ARHGAP44: variants seen among roughly 807,000 people sequenced by gnomAD.
The protein encoded by ARHGAP44 is rho GTPase-activating protein 44.
Under a neutral mutation model 106.8 loss-of-function variants are expected in ARHGAP44, and 43 were observed. The observed-to-expected ratio is 0.40, with a 90% CI of 0.32 to 0.52. ARHGAP44 has a LOEUF of 0.52. ARHGAP44 is among the 20% of genes least tolerant of loss of function. The probability of loss-of-function intolerance (pLI) is 0.48; values close to 1 mark genes in which losing one functional copy is unlikely to be tolerated. For missense variants in ARHGAP44, 866 were observed against 1,050.5 expected (o/e 0.82, Z 2.43); for synonymous variants, 439 against 410.3 (o/e 1.07, Z -0.85).
At chr17:12,848,541 G>T (rs1044530496) in intron 1 of ARHGAP44, among the ~76,000 whole-genome samples, 1 of 151,392 alleles carries the variant, frequency 6.6e-6, no homozygotes, top group East Asian at 2.0e-4. Flanking sequence ...GCCAAAACCC[G>T]TGATTTTTTT....
chr17:12,815,647 C>T (rs564031229), intron 1 of ARHGAP44, among the ~76,000 whole-genome samples: 2 of 152,254 alleles, frequency 1.3e-5, no homozygotes, highest in Admixed American at 1.3e-4. Context: ...AGACTAGAAC[C>T]TAGTGGAATC....
At chr17:12,914,667 C>G (rs1464217567) in intron 4 of ARHGAP44, among the ~76,000 whole-genome samples, 1 of 151,808 alleles carries the variant, frequency 6.6e-6, no homozygotes, top group Non-Finnish European at 1.5e-5. Context: ...GTGGTGGCAG[C>G]CTCCTGTAAT....
At position 12,949,134 on chromosome 17, in the gene ARHGAP44, T is replaced by C; in HGVS notation, c.862-6T>C. On this transcript the variant is annotated splice_region_variant and splice_polypyrimidine_tract_variant and intron_variant, in intron 10 of 20. Coordinates refer to ENST00000379672, the MANE Select transcript of ARHGAP44 (RefSeq NM_014859.6). This position sits in a 1 kb window ranked among gnomAD's most constrained non-coding sequence, Gnocchi z 4.1. ...GCTGTGCGCTGACCCTCTGTCCTGT[T>C]GGTAGGGACTCTTCCGAGTAGCCCC... 1 of 1,562,050 alleles carries C rather than the reference T, an allele frequency of 6.4e-7. No individual in the cohort carries two copies. Among genetic ancestry groups the C allele is most frequent in the Non-Finnish European group, 8.7e-7 (1 of 1,153,240 alleles).
chr17:12,977,808 G>T (rs543400014), intron 18 of ARHGAP44, among the ~76,000 whole-genome samples: 4 of 152,072 alleles, frequency 2.6e-5, no homozygotes, highest in Non-Finnish European at 5.9e-5. Context: ...GGGTGGCCGA[G>T]GGGGGTGGAT....
intron 1 of ARHGAP44, among the ~76,000 whole-genome samples, chr17:12,809,234 C>G (rs1260534114): frequency 6.6e-6 from 1 of 152,188 alleles, no homozygotes; most frequent in Admixed American, 6.5e-5. Flanking sequence ...CAGACTGTTC[C>G]AGTTCTGCCT....
intron 20 of ARHGAP44, chr17:12,987,150 A>T: frequency 6.5e-7 from 1 of 1,532,528 alleles, no homozygotes; most frequent in Non-Finnish European, 8.7e-7. Context: ...GGGGATTTTC[A>T]GGGTAAGCTG....
intron 10 of ARHGAP44, among the ~76,000 whole-genome samples, chr17:12,947,565 A>G (rs1030382942): frequency 2.0e-5 from 3 of 152,144 alleles, no homozygotes; most frequent in Middle Eastern, 6.3e-3. Context: ...TTCCATGCAC[A>G]CTTTCCTCTA....
chr17:12,832,190 G>A (rs1459821590), intron 1 of ARHGAP44, among the ~76,000 whole-genome samples: 2 of 152,176 alleles, frequency 1.3e-5, no homozygotes, highest in Non-Finnish European at 2.9e-5. Context: ...TTTATTCAGA[G>A]ACTGGGGTTT....
chr17:12,927,250 C>T (rs552733059), intron 6 of ARHGAP44, among the ~76,000 whole-genome samples: 2 of 152,278 alleles, frequency 1.3e-5, no homozygotes, highest in South Asian at 2.1e-4. Flanking sequence ...GTAATTTTCC[C>T]GTGATTGCAT....
At chr17:12,824,118 G>T (rs1476604153) in intron 1 of ARHGAP44, among the ~76,000 whole-genome samples, 1 of 152,034 alleles carries the variant, frequency 6.6e-6, no homozygotes, top group East Asian at 1.9e-4. Context: ...GGATTTCCTC[G>T]TGGATCACTC....
chr17:12,944,244 C>A, intron 10 of ARHGAP44, 48 bp downstream of exon 10: 2 of 1,543,850 alleles, frequency 1.3e-6, no homozygotes, highest in Non-Finnish European at 8.7e-7. Flanking sequence ...TCTCCTCTTC[C>A]ACGAGACAGA....
rs376200698 is a variant in ARHGAP44, at chr17:12,938,582, T to TTAAAAA, written c.583-2474_583-2473insTAAAAA. On this transcript the variant is annotated intron_variant, in intron 7 of 20. Transcript: ENST00000379672. ...CTGGGACATTTGGTTAGCTATATAT[T>TTAAAAA]AAAAAAAAAAAAAAAAAAAAACAGC... Among the ~76,000 whole-genome samples, 48 of 126,998 alleles carry TTAAAAA rather than the reference T, an allele frequency of 3.8e-4. 10 individuals are homozygous for TTAAAAA. Among genetic ancestry groups the TTAAAAA allele is most frequent in the East Asian group, 1.2e-3 (5 of 4,224 alleles). 83.3% of individuals were successfully genotyped at this position (126,998 alleles called of 152,430 possible).
intron 16 of ARHGAP44, among the ~76,000 whole-genome samples, chr17:12,960,897 C>A (rs1193840223): frequency 6.6e-6 from 1 of 152,146 alleles, no homozygotes; most frequent in African/African-American, 2.4e-5. Context: ...TAAAAAAGAA[C>A]ATACTTAGAA....
intron 7 of ARHGAP44, among the ~76,000 whole-genome samples, chr17:12,933,849 C>CTTTTTTTTTTTTTTTTTTTT (rs11303147): frequency 7.6e-6 from 1 of 131,540 alleles, no homozygotes; most frequent in Non-Finnish European, 1.6e-5. Context: ...CACATAAATT[C>CTTTTTTTTTTTTTTTTTTTT]TTTTTTTTTT....
intron 1 of ARHGAP44, among the ~76,000 whole-genome samples, chr17:12,821,966 A>C (rs9904124): frequency 6.6e-6 from 1 of 152,164 alleles, no homozygotes; most frequent in Non-Finnish European, 1.5e-5. Context: ...ACATATAAAG[A>C]CCTATAGTCC....
chr17:12,908,948 A>T lies in ARHGAP44; in HGVS notation c.250A>T (p.Ile84Phe). ...LAQCLMEGSAILGDDTLLGKM... is the reference protein window; with the variant it reads ...LAQCLMEGSAFLGDDTLLGKM... ...TCAGTGTCTGATGGAGGGGTCAGCT[A>T]TCCTGGGAGATGACACACTTCTTGG... is the stretch of plus-strand genomic sequence containing the variant. The change falls in exon 4 of 21, where the codon ATC (isoleucine) becomes TTC (phenylalanine). Residue 84 changes from isoleucine (I) to phenylalanine (F), a missense_variant. Transcript: ENST00000379672. The T allele has an allele frequency of 6.3e-7, 1 of 1,596,728 alleles. No individual in the cohort carries two copies. Among genetic ancestry groups the T allele is most frequent in the Non-Finnish European group, 8.5e-7 (1 of 1,175,108 alleles).
chr17:12,990,149 A>G lies in ARHGAP44; in HGVS notation c.2435A>G (p.Glu812Gly), dbSNP rs750288672. 1 of 1,612,856 alleles carries G rather than the reference A, an allele frequency of 6.2e-7. No individual in the cohort carries two copies. The highest frequency in any genetic ancestry group is 8.5e-7 in the Non-Finnish European group (1 of 1,179,260). The change falls in exon 21 of 21, where the codon GAG (glutamate) becomes GGG (glycine). Residue 812 changes from glutamate to glycine, a missense_variant. This residue lies in a region of ARHGAP44 where 418 missense variants were observed against 403.6 expected (regional missense o/e 1.04). Coordinates refer to ENST00000379672, the MANE Select transcript of ARHGAP44 (RefSeq NM_014859.6). ...SVTDKRDSEE[E>G]SESTAL ...ACTGACAAGAGGGACTCGGAGGAGG[A>G]GTCTGAGAGCACCGCCCTCTGACAT...
intron 1 of ARHGAP44, among the ~76,000 whole-genome samples, chr17:12,818,468 G>T (rs1380167232): frequency 6.6e-6 from 1 of 151,798 alleles, no homozygotes; most frequent in Non-Finnish European, 1.5e-5. Context: ...TTGTAGTGGT[G>T]ATCCTAATCA....
intron 1 of ARHGAP44, among the ~76,000 whole-genome samples, chr17:12,869,435 ATT>A (rs11294685): frequency 1.3e-4 from 19 of 151,764 alleles, no homozygotes; most frequent in Admixed American, 3.3e-4. Flanking sequence ...TCATTTTTAA[ATT>A]TTTTTTTTAT....
Sources: gnomAD v4.1 joint callset for allele counts (sites outside exome capture counted in the v4.1 genomes callset) on GRCh38, gnomAD v4.1.1 for gene constraint, gnomAD v4.1.1 regional missense constraint, Gnocchi (gnomAD v3.1) non-coding constraint, MANE v1.5 for transcripts, NCBI Gene and HGNC (gene_info 2026-07-23, HGNC 2026-07-21) for gene names.